The following SEMA3A variants were observed in gnomAD, a reference collection of about 807,000 sequenced individuals.
The protein encoded by SEMA3A is semaphorin-3A.
A neutral mutation model predicts 97.9 loss-of-function variants in SEMA3A; 29 were observed. That is an observed-to-expected ratio of 0.30 (90% CI 0.22 to 0.40). SEMA3A has a LOEUF of 0.40. Ranked by LOEUF, SEMA3A falls within the 10% of genes least tolerant of loss-of-function variation. SEMA3A has a pLI of 1.00. For missense variants in SEMA3A, 763 were observed against 951.3 expected (o/e 0.80, Z 2.60); for synonymous variants, 321 against 323.7 (o/e 0.99, Z 0.09).
intron 5 of SEMA3A, among the ~76,000 whole-genome samples, chr7:84,056,778 G>C (rs934299564): frequency 2.6e-5 from 4 of 152,064 alleles, no homozygotes; most frequent in African/African-American, 9.7e-5. Flanking sequence ...TTTTTCAACA[G>C]TTTATATGTC....
intron 3 of SEMA3A, among the ~76,000 whole-genome samples, chr7:84,231,994 GTA>G (rs1466661719): frequency 6.6e-6 from 1 of 151,436 alleles, no homozygotes; most frequent in East Asian, 2.0e-4. Flanking sequence ...AAAGGTATGT[GTA>G]TGTGTGTGTG....
intron 4 of SEMA3A, among the ~76,000 whole-genome samples, chr7:84,088,060 T>C (rs1325274312): frequency 1.3e-5 from 2 of 152,304 alleles, no homozygotes; most frequent in African/African-American, 2.4e-5. Context: ...CATTTATTTT[T>C]CCCCCAAATA....
At chr7:84,420,938 C>A (rs1215991278) in intron 1 of SEMA3A, among the ~76,000 whole-genome samples, 1 of 151,852 alleles carries the variant, frequency 6.6e-6, no homozygotes, top group East Asian at 1.9e-4. Context: ...TTCAAAAAAC[C>A]AGCTCCTAGA....
intron 1 of SEMA3A, among the ~76,000 whole-genome samples, chr7:84,390,980 T>C (rs1302818002): frequency 1.3e-5 from 2 of 152,134 alleles, no homozygotes; most frequent in East Asian, 1.9e-4. Flanking sequence ...ATGGTTTTGT[T>C]AACACAGGCC....
intron 1 of SEMA3A, among the ~76,000 whole-genome samples, chr7:84,150,899 G>A (rs552990722): frequency 3.6e-4 from 54 of 151,066 alleles, no homozygotes; most frequent in East Asian, 1.8e-3. Flanking sequence ...ATCTGAGAAC[G>A]GGCAGACTGC....
intron 1 of SEMA3A, among the ~76,000 whole-genome samples, chr7:84,414,113 T>C (rs982111191): frequency 6.6e-6 from 1 of 152,170 alleles, no homozygotes; most frequent in South Asian, 2.1e-4. Flanking sequence ...TTGAGCAATT[T>C]GATTCCAGTT....
chr7:84,288,052 G>A (rs377526967), intron 3 of SEMA3A, among the ~76,000 whole-genome samples: 4 of 152,192 alleles, frequency 2.6e-5, no homozygotes, highest in African/African-American at 9.6e-5. Flanking sequence ...TCAGGAAATA[G>A]ATACTTCCAT....
chr7:84,133,493 G>T (rs74475257), intron 2 of SEMA3A, among the ~76,000 whole-genome samples: 1,964 of 152,248 alleles, frequency 0.013, 18 homozygotes, highest in Middle Eastern at 0.031. Flanking sequence ...GCTATTGGTT[G>T]TGAGTAGTTG....
At chr7:84,367,343 TA>T (rs1802872172) in intron 2 of SEMA3A, among the ~76,000 whole-genome samples, 1 of 151,382 alleles carries the variant, frequency 6.6e-6, no homozygotes, top group African/African-American at 2.4e-5. Context: ...GAAGTATTAT[TA>T]AAGTAGGCCA....
At chr7:84,295,647 G>A (rs1800850845) in intron 3 of SEMA3A, among the ~76,000 whole-genome samples, 2 of 151,672 alleles carry the variant, frequency 1.3e-5, no homozygotes, top group African/African-American at 4.8e-5. Context: ...TAATTTTGTT[G>A]TCTTTGGTTT....
intron 1 of SEMA3A, among the ~76,000 whole-genome samples, chr7:84,411,712 G>T (rs1804273779): frequency 6.6e-6 from 1 of 151,890 alleles, no homozygotes. Flanking sequence ...CGTATGTTGA[G>T]AAATTTTTTG....
At chr7:84,095,357 A>ATGG (rs1794738008) in intron 4 of SEMA3A, among the ~76,000 whole-genome samples, 4 of 94,582 alleles carry the variant, frequency 4.2e-5, no homozygotes, top group Non-Finnish European at 5.9e-5. Context: ...TTTTTTATAT[A>ATGG]CATATATATA....
At chr7:84,038,225 G>A (rs924581920) in intron 6 of SEMA3A, among the ~76,000 whole-genome samples, 1 of 151,622 alleles carries the variant, frequency 6.6e-6, no homozygotes, top group Non-Finnish European at 1.5e-5. Context: ...AAAGGACATA[G>A]ATCACTATCA....
chr7:84,205,294 A>C (rs1326707974), intron 3 of SEMA3A, among the ~76,000 whole-genome samples: 1 of 152,226 alleles, frequency 6.6e-6, no homozygotes, highest in Non-Finnish European at 1.5e-5. Context: ...TGCTGTTTTC[A>C]GAACACTAGG....
At chr7:84,137,270 G>A (rs937582952) in intron 1 of SEMA3A, among the ~76,000 whole-genome samples, 1 of 151,724 alleles carries the variant, frequency 6.6e-6, no homozygotes, top group African/African-American at 2.4e-5. Context: ...GCTTGATGGC[G>A]GGTGCCTGTA....
chr7:84,006,319 T>C (rs926083643), intron 10 of SEMA3A, among the ~76,000 whole-genome samples: 3 of 152,126 alleles, frequency 2.0e-5, no homozygotes, highest in Non-Finnish European at 4.4e-5. Flanking sequence ...CTTTATTGTT[T>C]TGTTTCTAAC....
At chr7:84,029,810 T>TACACAC (rs34158057) in intron 6 of SEMA3A, among the ~76,000 whole-genome samples, 1,943 of 116,838 alleles carry the variant, frequency 0.017, 42 homozygotes, top group African/African-American at 0.058. Context: ...CCCTTCCATA[T>TACACAC]ACACACACAC....
intron 1 of SEMA3A, among the ~76,000 whole-genome samples, chr7:84,139,910 T>C (rs1796249356): frequency 6.6e-6 from 1 of 152,104 alleles, no homozygotes; most frequent in African/African-American, 2.4e-5. Context: ...TTTTAATTTT[T>C]ATTCTATTTA....
intron 1 of SEMA3A, among the ~76,000 whole-genome samples, chr7:84,162,535 T>C (rs557669476): frequency 3.5e-4 from 53 of 152,180 alleles, no homozygotes; most frequent in Non-Finnish European, 6.3e-4. Context: ...ATGACTCTGA[T>C]TCTAAGTACA....
Sources: gnomAD v4.1 joint callset for allele counts (sites outside exome capture counted in the v4.1 genomes callset) on GRCh38, gnomAD v4.1.1 for gene constraint, MANE v1.5 for transcripts, NCBI Gene and HGNC (gene_info 2026-07-23, HGNC 2026-07-21) for gene names.